MAGI2: variants seen among roughly 807,000 people sequenced by gnomAD.
The protein encoded by MAGI2 is membrane associated guanylate kinase, WW and PDZ domain containing 2.
MAGI2 carries 35 observed loss-of-function variants against 133.3 expected under a neutral mutation model. The observed-to-expected ratio is 0.26, with a 90% confidence interval of 0.20 to 0.35. The LOEUF (loss-of-function observed/expected upper bound fraction) is 0.35, where lower values mean the gene tolerates loss of function less well. MAGI2 is among the 10% of genes least tolerant of loss of function. MAGI2 has a pLI of 1.00. For synonymous variants in MAGI2, 729 were observed against 710.6 expected, an observed-to-expected ratio of 1.03 and a Z score of -0.41; for missense variants, 1,636 against 1,863.4, an observed-to-expected ratio of 0.88 and a Z score of 2.25.
intron 1 of MAGI2, among the ~76,000 whole-genome samples, chr7:79,157,645 T>C (rs928331119): frequency 1.3e-5 from 2 of 152,002 alleles, no homozygotes; most frequent in African/African-American, 2.4e-5. Context: ...TTCTGTATGT[T>C]TTATGGCACA....
chr7:78,962,229 T>A (rs1028158144), intron 2 of MAGI2, among the ~76,000 whole-genome samples: 1 of 152,082 alleles, frequency 6.6e-6, no homozygotes, highest in East Asian at 1.9e-4. Context: ...TTTAAATAAA[T>A]GATGGATTAT....
chr7:79,032,519 GAA>G (rs34049134), intron 1 of MAGI2, among the ~76,000 whole-genome samples: 98 of 118,178 alleles, frequency 8.3e-4, no homozygotes, highest in East Asian at 4.4e-3. Flanking sequence ...CTCTGACTCA[GAA>G]AAAAAAAAAA....
chr7:78,731,723 A>G (rs1440386528), intron 2 of MAGI2, among the ~76,000 whole-genome samples: 2 of 152,142 alleles, frequency 1.3e-5, no homozygotes, highest in Non-Finnish European at 2.9e-5. Flanking sequence ...GCTGCTCATG[A>G]AATGAGTGGG....
At chr7:78,855,933 C>T (rs777774369) in intron 2 of MAGI2, among the ~76,000 whole-genome samples, 56 of 152,200 alleles carry the variant, frequency 3.7e-4, no homozygotes, top group Non-Finnish European at 6.9e-4. Flanking sequence ...CCTGACTTTT[C>T]AATGATTGCC....
chr7:78,740,144 G>T (rs1585251746), intron 2 of MAGI2, among the ~76,000 whole-genome samples: 1 of 150,850 alleles, frequency 6.6e-6, no homozygotes, highest in African/African-American at 2.5e-5. Flanking sequence ...CTGGGTGACA[G>T]AGCCAGACTC....
intron 2 of MAGI2, among the ~76,000 whole-genome samples, chr7:78,973,490 C>T (rs1042364617): frequency 1.3e-5 from 2 of 151,512 alleles, no homozygotes; most frequent in Non-Finnish European, 2.9e-5. Context: ...GTGCAAACAG[C>T]CTTAAGTTGT....
At chr7:78,540,240 T>G (rs78229806) in intron 3 of MAGI2, among the ~76,000 whole-genome samples, 3,913 of 152,284 alleles carry the variant, frequency 0.026, 110 homozygotes, top group South Asian at 0.13. Flanking sequence ...AGCCTGTCCT[T>G]GAGCGGGGCT....
At chr7:78,056,220 G>T (rs944413839) in intron 21 of MAGI2, among the ~76,000 whole-genome samples, 2 of 152,074 alleles carry the variant, frequency 1.3e-5, no homozygotes, top group African/African-American at 4.8e-5. Flanking sequence ...TGTCCTCAAG[G>T]TTCATTCATG....
At chr7:78,566,207 C>T (rs367648823) in intron 3 of MAGI2, among the ~76,000 whole-genome samples, 1 of 151,910 alleles carries the variant, frequency 6.6e-6, no homozygotes, top group African/African-American at 2.4e-5. Flanking sequence ...AAGCTGAGAG[C>T]GTGCTCAGGA....
chr7:79,237,006 C>T (rs1831972963), intron 1 of MAGI2, among the ~76,000 whole-genome samples: 1 of 152,136 alleles, frequency 6.6e-6, no homozygotes, highest in African/African-American at 2.4e-5. Context: ...GAGTGTGCCA[C>T]TGCACTCCAG....
chr7:78,083,422 GAGAGAGAGAC>G, intron 20 of MAGI2, among the ~76,000 whole-genome samples: 1 of 146,512 alleles, frequency 6.8e-6, no homozygotes, highest in Non-Finnish European at 1.5e-5. Flanking sequence ...GAGAGAGAGA[GAGAGAGAGAC>G]AGAGAGAGAG....
chr7:78,411,971 G>A (rs754078483), intron 6 of MAGI2, among the ~76,000 whole-genome samples: 1 of 151,948 alleles, frequency 6.6e-6, no homozygotes, highest in Non-Finnish European at 1.5e-5. Context: ...TGGTCCTAAG[G>A]CTTTGGCAAT....
chr7:78,787,214 G>A (rs572809402), intron 2 of MAGI2, among the ~76,000 whole-genome samples: 8 of 152,242 alleles, frequency 5.3e-5, no homozygotes, highest in Admixed American at 5.2e-4. Context: ...CCAAAGTGCT[G>A]GGATTACAGG....
chr7:78,049,200 G>C (rs1811754759), intron 21 of MAGI2, among the ~76,000 whole-genome samples: 1 of 152,058 alleles, frequency 6.6e-6, no homozygotes, highest in Admixed American at 6.6e-5. Context: ...TTAAAGGACA[G>C]GACATGATGA....
intron 2 of MAGI2, among the ~76,000 whole-genome samples, chr7:78,638,599 G>T (rs1809930107): frequency 6.6e-6 from 1 of 152,132 alleles, no homozygotes; most frequent in Admixed American, 6.5e-5. Context: ...CTTGGCTTTT[G>T]ATCCATTCTT....
chr7:79,115,868 T>G (rs891942700), intron 1 of MAGI2, among the ~76,000 whole-genome samples: 5 of 149,290 alleles, frequency 3.3e-5, no homozygotes, highest in African/African-American at 9.9e-5. Context: ...TTTTTTTTTT[T>G]TTTTTTTTTT....
chr7:79,313,589 A>G (rs1283487547), intron 1 of MAGI2, among the ~76,000 whole-genome samples: 2 of 152,154 alleles, frequency 1.3e-5, no homozygotes, highest in Non-Finnish European at 2.9e-5. Context: ...TTAAACTCAA[A>G]CAAGATACAA....
intron 6 of MAGI2, among the ~76,000 whole-genome samples, chr7:78,450,065 AT>A (rs200776461): frequency 5.1e-4 from 77 of 151,128 alleles, no homozygotes; most frequent in African/African-American, 1.4e-3. Context: ...AGTCAATGGA[AT>A]TTTTTTTTTA....
intron 6 of MAGI2, among the ~76,000 whole-genome samples, chr7:78,393,032 G>A (rs985106113): frequency 2.6e-5 from 4 of 152,078 alleles, no homozygotes; most frequent in African/African-American, 7.2e-5. Flanking sequence ...GAATATAATA[G>A]TAAAAAAAAC....
Sources: gnomAD v4.1 joint callset for allele counts (sites outside exome capture counted in the v4.1 genomes callset) on GRCh38, gnomAD v4.1.1 for gene constraint, MANE v1.5 for transcripts, NCBI Gene and HGNC (gene_info 2026-07-23, HGNC 2026-07-21) for gene names.